The following FREM2 variants were observed in gnomAD, a reference collection of about 807,000 sequenced individuals.
FREM2 encodes FRAS1-related extracellular matrix protein 2.
FREM2 carries 119 observed loss-of-function variants against 219.9 expected under a neutral mutation model. The ratio of observed to expected loss-of-function variants is 0.54; its 90% CI spans 0.47 to 0.63. The LOEUF (loss-of-function observed/expected upper bound fraction) is 0.63, where lower values mean the gene tolerates loss of function less well. Ranked by LOEUF, FREM2 falls within the 30% of genes least tolerant of loss-of-function variation. The pLI, the probability that FREM2 is intolerant of heterozygous loss-of-function variation, is 0.00. For synonymous variants in FREM2, 1,562 were observed against 1,522.8 expected, an observed-to-expected ratio of 1.03 and a Z score of -0.60; for missense variants, 4,030 against 3,993.6, an observed-to-expected ratio of 1.01 and a Z score of -0.25.
At position 38,846,786 on chromosome 13, in the gene FREM2, T is replaced by G. The variant is rs9548503; in HGVS notation, c.6169+64T>G. On this transcript the variant is annotated intron_variant, in intron 7 of 23. Transcript: ENST00000280481. ...AATTTTCAATGACCATGGCACAAAT[T>G]TATTTAAAGCTGAAATACTTCACTT... 184,663 of 1,564,136 alleles carry G rather than the reference T, an allele frequency of 0.12. 12,885 individuals are homozygous for G. Among genetic ancestry groups the G allele is most frequent in the Admixed American group, 0.29 (17,326 of 59,844 alleles).
chr13:38,829,924 G>A (rs1352787469), intron 6 of FREM2, among the ~76,000 whole-genome samples: 1 of 151,976 alleles, frequency 6.6e-6, no homozygotes, highest in African/African-American at 2.4e-5. Context: ...TAGACATAAT[G>A]TTGACTAAAT....
intron 17 of FREM2, among the ~76,000 whole-genome samples, chr13:38,873,584 C>A (rs1878241459): frequency 6.6e-6 from 1 of 151,994 alleles, no homozygotes; most frequent in Non-Finnish European, 1.5e-5. Context: ...TGGTTTCAAT[C>A]TCCATGTTAG....
rs756019606 is a variant in FREM2 at position 38,861,416 on chromosome 13, T to C, written c.7520-15T>C. On this transcript the variant is annotated splice_polypyrimidine_tract_variant and intron_variant, in intron 14 of 23. Coordinates refer to ENST00000280481, the MANE Select transcript of FREM2 (RefSeq NM_207361.6). Reference sequence around the variant, plus strand: ...ACCTTCTTTTCGCATAAATATGGTCTTTTTTTTTTTCAAGGTCTTTGTCAG... The same window carrying C: ...ACCTTCTTTTCGCATAAATATGGTCCTTTTTTTTTTCAAGGTCTTTGTCAG... 5.6e-6 allele frequency: 6 copies of C among 1,074,130 alleles called. 1 individual carries two copies. Among genetic ancestry groups the C allele is most frequent in the Non-Finnish European group, 6.5e-6 (5 of 768,186 alleles). The allele number at this position is 1,074,130 out of a possible 1,614,324, so 66.5% of individuals were successfully genotyped here. A position where few individuals can be genotyped will look rare whatever the true frequency, so the allele number is the denominator to read the frequency against.
chr13:38,788,713 A>G, intron 6 of FREM2, among the ~76,000 whole-genome samples: 1 of 152,076 alleles, frequency 6.6e-6, no homozygotes, highest in Middle Eastern at 3.2e-3. Flanking sequence ...ATAATGTTGG[A>G]TGGAAGCAGT....
At position 38,881,827 on chromosome 13, in the gene FREM2, T is replaced by G. The variant is rs1211830705; in HGVS notation, c.*1040T>G. 6.6e-6 allele frequency: 1 copy of G among 152,208 alleles called. No homozygotes were observed. Among genetic ancestry groups the G allele is most frequent in the Non-Finnish European group, 1.5e-5 (1 of 68,032 alleles). 9.4% of individuals were successfully genotyped at this position (152,208 alleles called of 1,614,324 possible). A position where few individuals can be genotyped will look rare whatever the true frequency, so the allele number is the denominator to read the frequency against. Reference sequence around the variant, plus strand: ...ACATTTTGACAGATGAGGTTATCCCTCGGAGTAGCGTAATCACACAATAAC... The same window carrying G: ...ACATTTTGACAGATGAGGTTATCCCGCGGAGTAGCGTAATCACACAATAAC... On this transcript the variant is annotated 3_prime_UTR_variant, in exon 24 of 24. Transcript: ENST00000280481.
chr13:38,737,719 G>A (rs1296690555), intron 2 of FREM2, among the ~76,000 whole-genome samples: 1 of 152,202 alleles, frequency 6.6e-6, no homozygotes, highest in Non-Finnish European at 1.5e-5. Flanking sequence ...ACACAGTCTG[G>A]TGTGATGTAA....
At chr13:38,814,027 A>G (rs1178447433) in intron 6 of FREM2, among the ~76,000 whole-genome samples, 1 of 151,984 alleles carries the variant, frequency 6.6e-6, no homozygotes, top group Non-Finnish European at 1.5e-5. Flanking sequence ...TCAAGTCTAT[A>G]ATTTCTGTTT....
chr13:38,808,007 A>G (rs1456381338), intron 6 of FREM2, among the ~76,000 whole-genome samples: 1 of 151,938 alleles, frequency 6.6e-6, no homozygotes, highest in African/African-American at 2.4e-5. Flanking sequence ...TGAAAATGTT[A>G]TTTAGTGTAG....
intron 11 of FREM2, 46 bp downstream of exon 11, chr13:38,851,914 TGTGTTTCAGTGCCA>T: frequency 2.0e-6 from 3 of 1,501,706 alleles, no homozygotes; most frequent in Non-Finnish European, 2.8e-6. Flanking sequence ...ATGCCAACTC[TGTGTTTCAGTGCCA>T]GTGCCCTTAA....
intron 2 of FREM2, among the ~76,000 whole-genome samples, chr13:38,714,541 A>G (rs1427747735): frequency 6.6e-6 from 1 of 152,182 alleles, no homozygotes; most frequent in Non-Finnish European, 1.5e-5. Context: ...CATGGTGACT[A>G]TGGTTAGTGA....
intron 6 of FREM2, among the ~76,000 whole-genome samples, chr13:38,837,861 G>C (rs147128871): frequency 6.6e-6 from 1 of 151,696 alleles, no homozygotes; most frequent in African/African-American, 2.4e-5. Flanking sequence ...GTCTCTGCAC[G>C]TGAGATGGGT....
intron 14 of FREM2, among the ~76,000 whole-genome samples, chr13:38,861,220 T>C (rs570467111): frequency 8.5e-5 from 13 of 152,302 alleles, no homozygotes; most frequent in African/African-American, 3.1e-4. Flanking sequence ...AATCCATAAA[T>C]TGTCAAGTGG....
intron 6 of FREM2, among the ~76,000 whole-genome samples, chr13:38,787,862 G>A (rs1358304229): frequency 6.6e-6 from 1 of 151,748 alleles, no homozygotes; most frequent in Non-Finnish European, 1.5e-5. Context: ...ACAGAATAAG[G>A]AAAAGAAGAA....
chr13:38,855,559 A>G (rs1056400666), intron 11 of FREM2, among the ~76,000 whole-genome samples: 1 of 152,206 alleles, frequency 6.6e-6, no homozygotes, highest in Admixed American at 6.5e-5. Flanking sequence ...ATTTTCCTTC[A>G]GATAAAATCG....
intron 16 of FREM2, 100 bp from the exon 17 acceptor site, chr13:38,872,642 A>G (rs926067477): frequency 1.0e-6 from 1 of 966,636 alleles, no homozygotes; most frequent in Non-Finnish European, 1.7e-6. Flanking sequence ...ATGATTACTC[A>G]AAATCTTCAG....
At chr13:38,740,540 C>T (rs932192632) in intron 2 of FREM2, among the ~76,000 whole-genome samples, 3 of 151,998 alleles carry the variant, frequency 2.0e-5, no homozygotes, top group African/African-American at 7.3e-5. Flanking sequence ...ATTGGAAGAA[C>T]AAAAGAGACA....
At chr13:38,723,001 C>T (rs1035383151) in intron 2 of FREM2, among the ~76,000 whole-genome samples, 2 of 152,002 alleles carry the variant, frequency 1.3e-5, no homozygotes, top group Admixed American at 6.6e-5. Flanking sequence ...ATGGCTGAGG[C>T]GGGAGGATCA....
At chr13:38,863,440 A>T (rs989993677) in intron 15 of FREM2, among the ~76,000 whole-genome samples, 5 of 152,212 alleles carry the variant, frequency 3.3e-5, no homozygotes, top group African/African-American at 1.2e-4. Flanking sequence ...ATAAATATTT[A>T]TTGGATTTTA....
intron 2 of FREM2, among the ~76,000 whole-genome samples, chr13:38,743,095 T>C (rs1357170537): frequency 6.6e-6 from 1 of 152,180 alleles, no homozygotes; most frequent in African/African-American, 2.4e-5. Context: ...ACTAAATCCA[T>C]GCTCCAGCTC....
Sources: gnomAD v4.1 joint callset for allele counts (sites outside exome capture counted in the v4.1 genomes callset) on GRCh38, gnomAD v4.1.1 for gene constraint, MANE v1.5 for transcripts, NCBI Gene and HGNC (gene_info 2026-07-23, HGNC 2026-07-21) for gene names.